ACACA: variants seen among roughly 807,000 people sequenced by gnomAD.
The protein encoded by ACACA is acetyl-CoA carboxylase 1.
A neutral mutation model predicts 296.1 loss-of-function variants in ACACA; 103 were observed. The observed-to-expected ratio is 0.35, with a 90% CI of 0.30 to 0.41. The LOEUF is 0.41. Among genes scored for constraint, ACACA ranks in the 10% least tolerant of loss-of-function variants. The pLI is 1.00. For synonymous variants in ACACA, 953 were observed against 1,038.6 expected (o/e 0.92, Z 1.58); for missense variants, 1,554 against 2,989.7 (o/e 0.52, Z 11.20).
Position 37,125,684 on chromosome 17 carries a change from A to G in ACACA, c.6041+14T>C. On this transcript the variant is annotated intron_variant, in intron 48 of 55. Coordinates refer to ENST00000616317, the MANE Select transcript of ACACA (RefSeq NM_198834.3). ...TGGGAGGAAAAAGAGCTGCCAAAAC[A>G]AAAGAGCTCTTACCTGGCTCTACCA... 1 of 1,605,784 alleles carries G rather than the reference A, an allele frequency of 6.2e-7. No individual in the cohort carries two copies. The highest frequency in any genetic ancestry group is 1.1e-5 in the South Asian group (1 of 90,746).
At chr17:37,152,324 T>C (rs1192368100) in intron 43 of ACACA, among the ~76,000 whole-genome samples, 1 of 152,222 alleles carries the variant, frequency 6.6e-6, no homozygotes, top group African/African-American at 2.4e-5. Flanking sequence ...TGTATATCTC[T>C]ATAATGAGCA....
chr17:37,217,196 G>GGTTGT (rs2079040148), intron 29 of ACACA, among the ~76,000 whole-genome samples: 2 of 147,052 alleles, frequency 1.4e-5, no homozygotes, highest in African/African-American at 5.1e-5. Context: ...GGAAGGCAGA[G>GGTTGT]GTTGTGTTGA....
chr17:37,307,103 A>G (rs2083920276), intron 3 of ACACA, among the ~76,000 whole-genome samples: 1 of 152,210 alleles, frequency 6.6e-6, no homozygotes, highest in African/African-American at 2.4e-5. Context: ...TCATTTCTGT[A>G]TGGTATTCCA....
intron 1 of ACACA, among the ~76,000 whole-genome samples, chr17:37,390,756 G>A (rs995305539): frequency 6.7e-6 from 1 of 150,274 alleles, no homozygotes; most frequent in Non-Finnish European, 1.5e-5. Flanking sequence ...TCGAGCCACT[G>A]CACTCCAGCC....
intron 3 of ACACA, among the ~76,000 whole-genome samples, chr17:37,306,253 T>C (rs972546327): frequency 1.3e-5 from 2 of 152,140 alleles, no homozygotes; most frequent in Non-Finnish European, 2.9e-5. Flanking sequence ...TGTATGCCTT[T>C]TGGTTGATTT....
At chr17:37,359,423 G>A (rs2049309146) in intron 1 of ACACA, among the ~76,000 whole-genome samples, 1 of 151,534 alleles carries the variant, frequency 6.6e-6, no homozygotes, top group Admixed American at 6.6e-5. Flanking sequence ...CGGGCCGCGG[G>A]CGGGCCGCGG....
chr17:37,255,226 G>T (rs184585218), intron 14 of ACACA, among the ~76,000 whole-genome samples: 66 of 152,240 alleles, frequency 4.3e-4, no homozygotes, highest in Non-Finnish European at 7.2e-4. Context: ...ATGTTCAGGG[G>T]ATATAGCAGT....
intron 3 of ACACA, among the ~76,000 whole-genome samples, chr17:37,303,133 T>A (rs891153931): frequency 2.0e-5 from 3 of 152,160 alleles, no homozygotes; most frequent in African/African-American, 7.2e-5. Context: ...AGAAACCCCA[T>A]GCCCAGTAGC....
At chr17:37,260,278 ATATATATATATATATATATTTTTT>A (rs1298486553) in intron 11 of ACACA, among the ~76,000 whole-genome samples, 14 of 31,198 alleles carry the variant, frequency 4.5e-4, no homozygotes, top group African/African-American at 2.4e-3. Context: ...ATATATATAT[ATATATATATATATATATATTTTTT>A]TTTTTTTTTT....
intron 1 of ACACA, among the ~76,000 whole-genome samples, chr17:37,378,639 A>G (rs2050108774): frequency 1.3e-5 from 2 of 152,186 alleles, no homozygotes; most frequent in South Asian, 4.1e-4. Flanking sequence ...CTTGAACCAG[A>G]GAGGCGGAGG....
At chr17:37,349,988 G>C (rs1376943357) in intron 1 of ACACA, among the ~76,000 whole-genome samples, 1 of 152,072 alleles carries the variant, frequency 6.6e-6, no homozygotes, top group Non-Finnish European at 1.5e-5. Context: ...CTTGTATGAT[G>C]TGTGTGTGGT....
chr17:37,371,964 T>C lies in ACACA; in HGVS notation c.39-32114A>G, dbSNP rs2049822750. Among the ~76,000 whole-genome samples the C allele has an allele frequency of 2.0e-5, 3 of 152,002 alleles. No homozygotes were observed. The South Asian group carries it at 6.2e-4, about 32-fold the overall frequency. Reference sequence around the variant, plus strand: ...CCATGCTGGTGGCTGATCCCTATGATCCCAGCACTTTGAGAGGCTGGGGTG... The same window carrying C: ...CCATGCTGGTGGCTGATCCCTATGACCCCAGCACTTTGAGAGGCTGGGGTG... On this transcript the variant is annotated intron_variant, in intron 1 of 55. Transcript: ENST00000616317.
intron 45 of ACACA, chr17:37,143,890 G>C (rs2075706527): frequency 1.9e-6 from 3 of 1,539,734 alleles, no homozygotes; most frequent in Non-Finnish European, 2.7e-6. Context: ...ATCTGCAGCA[G>C]TGTTATTCCA....
intron 41 of ACACA, among the ~76,000 whole-genome samples, chr17:37,163,899 A>G (rs10153271): frequency 0.029 from 4,416 of 152,198 alleles, 189 homozygotes; most frequent in African/African-American, 0.099. Context: ...ATCCCCTTCT[A>G]TATGAGAACT....
At chr17:37,271,524 C>CAAAAACA (rs2082070655) in intron 9 of ACACA, among the ~76,000 whole-genome samples, 1 of 151,198 alleles carries the variant, frequency 6.6e-6, no homozygotes, top group Non-Finnish European at 1.5e-5. Flanking sequence ...TCAAAAAAAA[C>CAAAAACA]AAAAACAAAA....
At chr17:37,302,803 A>G (rs2146908919) in intron 3 of ACACA, among the ~76,000 whole-genome samples, 1 of 152,346 alleles carries the variant, frequency 6.6e-6, no homozygotes, top group South Asian at 2.1e-4. Flanking sequence ...TGATCTTGAT[A>G]AACTCATTTA....
In ACACA at chr17:37,240,521, C is replaced by G. The variant is rs778740611; in HGVS notation, c.3076G>C (p.Asp1026His). The G allele has an allele frequency of 1.2e-6, 2 of 1,613,740 alleles. No individual in the cohort carries two copies. The highest frequency in any genetic ancestry group is 1.7e-6 in the Non-Finnish European group (2 of 1,179,990). The part of the protein sequence containing the change: ...IRGHMKAVVM[D>H]LLRQYLRVET... ...ACTCGCAGGTACTGCCGGAGCAGAT[C>G]CATCACCACAGCCTTCATGTGGCCT... Residue 1026 changes from aspartate to histidine, a missense_variant, in exon 24 of 56, where the codon GAT becomes CAT. Physicochemically the swap from Asp to His is moderately conservative, Grantham distance 81 (BLOSUM62 -1). This residue lies in a region of ACACA where 316 missense variants were observed against 540.9 expected (regional missense o/e 0.58). Transcript: ENST00000616317.
chr17:37,156,063 T>C (rs894203883), intron 42 of ACACA, among the ~76,000 whole-genome samples: 2 of 136,220 alleles, frequency 1.5e-5, no homozygotes, highest in South Asian at 5.1e-4. Context: ...CTTTTTTTTT[T>C]TTTTTTTTTT....
In ACACA at chr17:37,099,547, G is replaced by A. The variant is rs1191307971; in HGVS notation, c.6566-1563C>T. On this transcript the variant is annotated intron_variant, in intron 52 of 55. Coordinates refer to ENST00000616317, the MANE Select transcript of ACACA (RefSeq NM_198834.3). ...CTGATGGGAGGAGGGCTGATGGCGG[G>A]AGGGCTGATGGCAGGAGGGCTGATG... is the stretch of plus-strand genomic sequence containing the variant. Among the ~76,000 whole-genome samples the A allele has an allele frequency of 2.1e-5, 3 of 142,884 alleles. No homozygotes were observed. The East Asian group carries it at 6.2e-4, about 29-fold the overall frequency. 93.7% of individuals were successfully genotyped at this position (142,884 alleles called of 152,430 possible). A position where few individuals can be genotyped will look rare whatever the true frequency, so the allele number is the denominator to read the frequency against.
Sources: allele counts gnomAD v4.1 joint callset (sites outside exome capture counted in the v4.1 genomes callset), GRCh38; gene constraint gnomAD v4.1.1; regional missense constraint gnomAD v4.1.1; transcripts MANE v1.5; gene names NCBI Gene and HGNC (gene_info 2026-07-23, HGNC 2026-07-21).